The following ANK1 variants were observed in gnomAD, a reference collection of about 807,000 sequenced individuals.
ANK1 encodes ankyrin 1, also known as ankyrin-1.
Under a neutral mutation model 210.4 loss-of-function variants are expected in ANK1, and 51 were observed. The ratio of observed to expected loss-of-function variants is 0.24; its 90% confidence interval spans 0.19 to 0.31. ANK1 has a LOEUF of 0.31. Among genes scored for constraint, ANK1 ranks in the 10% least tolerant of loss-of-function variants. The pLI, the probability that ANK1 is intolerant of heterozygous loss-of-function variation, is 1.00. For missense variants in ANK1, 2,051 were observed against 2,504.4 expected (o/e 0.82, Z 3.86); for synonymous variants, 967 against 1,025.9 (o/e 0.94, Z 1.10).
chr8:41,834,886 C>T (rs986623508), intron 1 of ANK1, among the ~76,000 whole-genome samples: 21 of 152,188 alleles, frequency 1.4e-4, no homozygotes, highest in Admixed American at 9.8e-4. Context: ...TCAGTGCTGC[C>T]GCCTACTGCT....
chr8:41,693,688 G>C (rs1819954189), intron 29 of ANK1, among the ~76,000 whole-genome samples: 2 of 152,086 alleles, frequency 1.3e-5, no homozygotes, highest in Admixed American at 1.3e-4. Context: ...GCATCCCAAA[G>C]TGCTGGGATT....
At chr8:41,780,256 T>C (rs1483553048) in intron 1 of ANK1, among the ~76,000 whole-genome samples, 1 of 152,026 alleles carries the variant, frequency 6.6e-6, no homozygotes, top group East Asian at 1.9e-4. Flanking sequence ...CCAGTCTGGG[T>C]TCAAGCAATC....
chr8:41,706,382 C>G (rs1467000916), intron 17 of ANK1, 141 bp from the exon 18 acceptor site: 6 of 809,698 alleles, frequency 7.4e-6, no homozygotes, highest in Non-Finnish European at 1.2e-5. Flanking sequence ...TCTTCCTGTT[C>G]TGGGCCCCAA....
intron 1 of ANK1, among the ~76,000 whole-genome samples, chr8:41,826,393 T>C (rs1372697183): frequency 6.6e-6 from 1 of 152,024 alleles, no homozygotes; most frequent in African/African-American, 2.4e-5. Flanking sequence ...CAGGTCACCA[T>C]GCTCACTCCT....
In ANK1 at chr8:41,742,688, G is replaced by A. The variant is rs115969210; in HGVS notation, c.130-8619C>T. 2.1e-3 allele frequency among the ~76,000 whole-genome samples: 321 copies of A among 152,338 alleles called. 1 individual carries two copies. The highest frequency in any genetic ancestry group is 7.5e-3 in the African/African-American group (310 of 41,568). On this transcript the variant is annotated intron_variant, in intron 2 of 42. Transcript: ENST00000289734. ...CAGGCCCAGAGGCAAGGGAGCACTGGCCAGGGGAAGATATTATGGGGATGG... is the reference window on the plus strand; with the variant it reads ...CAGGCCCAGAGGCAAGGGAGCACTGACCAGGGGAAGATATTATGGGGATGG...
At chr8:41,878,269 G>A (rs1250905397) in intron 1 of ANK1, among the ~76,000 whole-genome samples, 1 of 152,198 alleles carries the variant, frequency 6.6e-6, no homozygotes, top group Non-Finnish European at 1.5e-5. Context: ...TCTGCATCCA[G>A]CCTGGTGCCC....
intron 16 of ANK1, among the ~76,000 whole-genome samples, chr8:41,712,869 G>A (rs1370126163): frequency 6.6e-6 from 1 of 152,204 alleles, no homozygotes; most frequent in Non-Finnish European, 1.5e-5. Context: ...GGAGTGAGGA[G>A]GAGGGGAGTC....
chr8:41,781,751 A>G (rs1295677648), intron 1 of ANK1, among the ~76,000 whole-genome samples: 2 of 152,008 alleles, frequency 1.3e-5, no homozygotes, highest in Non-Finnish European at 2.9e-5. Context: ...CCAGCAACCA[A>G]CAGACCCCCG....
At chr8:41,660,650 C>T (rs2150538694) in intron 42 of ANK1, 1 of 422,320 alleles carries the variant, frequency 2.4e-6, no homozygotes. Flanking sequence ...GGCCACACTG[C>T]CCCATGCTCA....
intron 2 of ANK1, among the ~76,000 whole-genome samples, chr8:41,749,921 A>T (rs1412364893): frequency 6.6e-6 from 1 of 152,202 alleles, no homozygotes; most frequent in Non-Finnish European, 1.5e-5. Flanking sequence ...CTCATCTTGG[A>T]CTTCTTAAGC....
intron 37 of ANK1, among the ~76,000 whole-genome samples, chr8:41,673,356 C>T (rs1305532114): frequency 6.6e-6 from 1 of 152,168 alleles, no homozygotes; most frequent in Admixed American, 6.5e-5. Flanking sequence ...TAGCTTAGCT[C>T]TTAGGTTCTC....
chr8:41,780,048 T>C (rs146104665), intron 1 of ANK1, among the ~76,000 whole-genome samples: 194 of 152,254 alleles, frequency 1.3e-3, no homozygotes, highest in African/African-American at 4.1e-3. Flanking sequence ...CTAACTCTAA[T>C]TAGTATTTTG....
intron 1 of ANK1, among the ~76,000 whole-genome samples, chr8:41,773,981 T>C (rs1380175795): frequency 2.6e-5 from 4 of 152,256 alleles, no homozygotes; most frequent in Non-Finnish European, 5.9e-5. Flanking sequence ...GAATGTTTTA[T>C]GTACAATAAC....
At chr8:41,755,597 CT>C (rs1838934441) in intron 2 of ANK1, among the ~76,000 whole-genome samples, 1 of 152,226 alleles carries the variant, frequency 6.6e-6, no homozygotes, top group Non-Finnish European at 1.5e-5. Flanking sequence ...GCAACCCACC[CT>C]GCCTATGGGG....
chr8:41,686,111 G>C, intron 36 of ANK1, 41 bp downstream of exon 36: 1 of 1,614,120 alleles, frequency 6.2e-7, no homozygotes, highest in Admixed American at 1.7e-5. Flanking sequence ...TTGGTGGGGA[G>C]GAGGTCCTAG....
At chr8:41,775,533 G>A (rs1022843405) in intron 1 of ANK1, among the ~76,000 whole-genome samples, 1 of 152,224 alleles carries the variant, frequency 6.6e-6, no homozygotes, top group African/African-American at 2.4e-5. Context: ...CAGAGACAAT[G>A]AGATACAGAA....
intron 2 of ANK1, among the ~76,000 whole-genome samples, chr8:41,735,657 T>G (rs1288531773): frequency 1.3e-5 from 2 of 152,214 alleles, no homozygotes; most frequent in African/African-American, 4.8e-5. Flanking sequence ...TTCAGGAGGT[T>G]CTTGTTCAAA....
intron 1 of ANK1, among the ~76,000 whole-genome samples, chr8:41,795,529 TTAAA>T (rs1276720192): frequency 6.6e-6 from 1 of 151,730 alleles, no homozygotes; most frequent in Non-Finnish European, 1.5e-5. Context: ...ATAATTATTA[TTAAA>T]TAAATAAATA....
chr8:41,734,711 A>G (rs1045692810), intron 2 of ANK1, among the ~76,000 whole-genome samples: 1 of 151,572 alleles, frequency 6.6e-6, no homozygotes, highest in African/African-American at 2.4e-5. Context: ...GGGCAACATG[A>G]TGAAACCCTA....
Sources: gnomAD v4.1 joint callset for allele counts (sites outside exome capture counted in the v4.1 genomes callset) on GRCh38, gnomAD v4.1.1 for gene constraint, MANE v1.5 for transcripts, NCBI Gene and HGNC (gene_info 2026-07-23, HGNC 2026-07-21) for gene names.